SIAH3: variants seen among roughly 807,000 people sequenced by gnomAD.
SIAH3 encodes the protein siah E3 ubiquitin protein ligase family member 3, also known as seven in absentia homolog 3.
A neutral mutation model predicts 12.6 loss-of-function variants in SIAH3; 9 were observed. The ratio of observed to expected loss-of-function variants is 0.72; its 90% CI spans 0.43 to 1.25. The LOEUF is 1.25. Ranked by LOEUF, SIAH3 falls within the 50% of genes most tolerant of loss-of-function variation. The pLI, the probability that SIAH3 is intolerant of heterozygous loss-of-function variation, is 0.00. For synonymous variants in SIAH3, 154 were observed against 151.1 expected (o/e 1.02, Z -0.14); for missense variants, 390 against 365.4 (o/e 1.07, Z -0.55).
At chr13:45,792,128 G>C (rs567923563) in intron 1 of SIAH3, among the ~76,000 whole-genome samples, 1 of 152,108 alleles carries the variant, frequency 6.6e-6, no homozygotes, top group Admixed American at 6.5e-5. Context: ...CCTGCAGCCC[G>C]TGCTCTTTCT....
intron 1 of SIAH3, among the ~76,000 whole-genome samples, chr13:45,847,019 C>T (rs1950762775): frequency 1.3e-5 from 2 of 152,226 alleles, no homozygotes. Context: ...ATAATGCTCG[C>T]ACAGTGACCA....
At chr13:45,832,034 G>A (rs1009962301) in intron 1 of SIAH3, among the ~76,000 whole-genome samples, 5 of 152,180 alleles carry the variant, frequency 3.3e-5, no homozygotes, top group African/African-American at 7.2e-5. Context: ...AAGGCAAGAT[G>A]AGTGCTAGGG....
intron 1 of SIAH3, among the ~76,000 whole-genome samples, chr13:45,804,880 A>T (rs1404315793): frequency 6.6e-6 from 1 of 152,062 alleles, no homozygotes; most frequent in African/African-American, 2.4e-5. Context: ...TTTAGGATAC[A>T]AAATCAATGT....
At chr13:45,841,255 A>C (rs1313363492) in intron 1 of SIAH3, among the ~76,000 whole-genome samples, 1 of 152,208 alleles carries the variant, frequency 6.6e-6, no homozygotes, top group Non-Finnish European at 1.5e-5. Flanking sequence ...TGAAGCTGGC[A>C]GGTGGCTAGG....
At chr13:45,818,121 AC>A (rs1950641300) in intron 1 of SIAH3, among the ~76,000 whole-genome samples, 1 of 152,156 alleles carries the variant, frequency 6.6e-6, no homozygotes, top group African/African-American at 2.4e-5. Context: ...GAGGTATCCT[AC>A]ATCACCTCCC....
At chr13:45,824,743 A>G (rs1950667728) in intron 1 of SIAH3, among the ~76,000 whole-genome samples, 1 of 152,180 alleles carries the variant, frequency 6.6e-6, no homozygotes, top group Non-Finnish European at 1.5e-5. Flanking sequence ...GGAAAAATCC[A>G]GGTTTAAATC....
intron 1 of SIAH3, among the ~76,000 whole-genome samples, chr13:45,795,005 T>C (rs1950557899): frequency 6.6e-6 from 1 of 152,160 alleles, no homozygotes; most frequent in Non-Finnish European, 1.5e-5. Context: ...GTCATTATAT[T>C]TCATTTTATC....
chr13:45,826,902 T>C (rs781618626), intron 1 of SIAH3, among the ~76,000 whole-genome samples: 1 of 152,142 alleles, frequency 6.6e-6, no homozygotes, highest in East Asian at 1.9e-4. Context: ...GACCTGGTGA[T>C]CCCCTAGGAC....
At chr13:45,837,227 G>T (rs1193081138) in intron 1 of SIAH3, among the ~76,000 whole-genome samples, 1 of 152,158 alleles carries the variant, frequency 6.6e-6, no homozygotes, top group Admixed American at 6.5e-5. Flanking sequence ...AACAAAATAA[G>T]ACTCAGAGGA....
chr13:45,846,616 C>A (rs1184337649), intron 1 of SIAH3, among the ~76,000 whole-genome samples: 1 of 152,176 alleles, frequency 6.6e-6, no homozygotes, highest in Non-Finnish European at 1.5e-5. Context: ...CCCAGGGAAG[C>A]CATCCAAGTA....
intron 1 of SIAH3, among the ~76,000 whole-genome samples, chr13:45,821,566 T>A (rs1950655885): frequency 6.6e-6 from 1 of 152,178 alleles, no homozygotes; most frequent in South Asian, 2.1e-4. Flanking sequence ...ATCAAAAAAA[T>A]TTGGTGTCAT....
At chr13:45,808,080 T>C (rs1003798377) in intron 1 of SIAH3, among the ~76,000 whole-genome samples, 3 of 151,986 alleles carry the variant, frequency 2.0e-5, no homozygotes, top group Non-Finnish European at 4.4e-5. Flanking sequence ...TGTGCGGTGA[T>C]GTTGTGTTGG....
In SIAH3 at chr13:45,779,737, T is replaced by C. The variant is rs548438797; in HGVS notation, c.*3646A>G. On this transcript the variant is annotated 3_prime_UTR_variant, in exon 2 of 2. Transcript: ENST00000400405. The stretch of plus-strand genomic sequence containing the variant: ...AAAGTACGCAGCCTACTGGATCATA[T>C]AGAAAAGCCTCAATAAGTGGTAGCC... 1 of 152,250 alleles carries C rather than the reference T, an allele frequency of 6.6e-6. No homozygotes were observed. Among genetic ancestry groups the C allele is most frequent in the Non-Finnish European group, 1.5e-5 (1 of 68,048 alleles). 9.4% of individuals were successfully genotyped at this position (152,250 alleles called of 1,614,324 possible). A position where few individuals can be genotyped will look rare whatever the true frequency, so the allele number is the denominator to read the frequency against.
intron 1 of SIAH3, among the ~76,000 whole-genome samples, chr13:45,790,599 A>G (rs762928998): frequency 6.6e-6 from 1 of 152,190 alleles, no homozygotes; most frequent in Non-Finnish European, 1.5e-5. Context: ...ACAGGGACTA[A>G]TTGTTCGTGT....
Position 45,783,862 on chromosome 13 carries a change from A to G in SIAH3, c.331T>C (p.Leu111=). ...PVTPCLCMCP[L]FSCQWEGRLE... is the part of the protein sequence containing the mutation. ...CGGCCTTCCCACTGGCAGGAGAACA[A>G]GGGACACATGCACAGGCAGGGCGTC... The change falls in exon 2 of 2, where the codon TTG becomes CTG. Residue 111 remains leucine, a synonymous_variant. Transcript: ENST00000400405. 1 of 1,613,972 alleles carries G rather than the reference A, an allele frequency of 6.2e-7. No homozygotes were observed. Among genetic ancestry groups the G allele is most frequent in the Non-Finnish European group, 8.5e-7 (1 of 1,179,946 alleles).
intron 1 of SIAH3, among the ~76,000 whole-genome samples, chr13:45,844,100 T>G (rs925856109): frequency 1.3e-5 from 2 of 152,240 alleles, no homozygotes; most frequent in Admixed American, 1.3e-4. Context: ...ACCTTGTTAT[T>G]GTCTTATGTG....
At chr13:45,847,602 C>T (rs1224790205) in intron 1 of SIAH3, among the ~76,000 whole-genome samples, 1 of 137,148 alleles carries the variant, frequency 7.3e-6, no homozygotes, top group Non-Finnish European at 1.6e-5. Context: ...GTCCCATATG[C>T]CCCTCCCACT....
chr13:45,803,111 C>T (rs1555257489), intron 1 of SIAH3, among the ~76,000 whole-genome samples: 1 of 151,254 alleles, frequency 6.6e-6, no homozygotes, highest in Non-Finnish European at 1.5e-5. Flanking sequence ...GCCTGTTTGG[C>T]AGGGTGTGGG....
rs1950494236 is a variant in SIAH3, at chr13:45,778,993, T to C, written c.*4390A>G. 6.6e-6 allele frequency: 1 copy of C among 152,190 alleles called. No individual in the cohort carries two copies. The highest frequency in any genetic ancestry group is 2.4e-5 in the African/African-American group (1 of 41,438). The allele number at this position is 152,190 out of a possible 1,614,324, so 9.4% of individuals were successfully genotyped here. On this transcript the variant is annotated 3_prime_UTR_variant, in exon 2 of 2. Transcript: ENST00000400405. Reference sequence around the variant, plus strand: ...AGGGATGATTATACTGTTAAGTGCTTAACAACTGGCTTTCTAGGGAGAAAA... The same window carrying C: ...AGGGATGATTATACTGTTAAGTGCTCAACAACTGGCTTTCTAGGGAGAAAA...
Sources: allele counts gnomAD v4.1 joint callset (sites outside exome capture counted in the v4.1 genomes callset), GRCh38; gene constraint gnomAD v4.1.1; transcripts MANE v1.5; gene names NCBI Gene and HGNC (gene_info 2026-07-23, HGNC 2026-07-21).